Variants in GRIK2 observed in about 807,000 individuals in gnomAD.
GRIK2 encodes the protein glutamate ionotropic receptor kainate type subunit 2.
Under a neutral mutation model 100.3 loss-of-function variants are expected in GRIK2, and 32 were observed. That is an observed-to-expected ratio of 0.32 (90% confidence interval 0.24 to 0.43). The LOEUF (loss-of-function observed/expected upper bound fraction) is 0.43. GRIK2 is among the 20% of genes least tolerant of loss of function. GRIK2 has a pLI of 1.00. For missense variants in GRIK2, 843 were observed against 1,114.9 expected, an observed-to-expected ratio of 0.76 and a Z score of 3.47; for synonymous variants, 417 against 389.4, an observed-to-expected ratio of 1.07 and a Z score of -0.83.
chr6:101,867,433 A>G (rs1025134525), intron 11 of GRIK2, among the ~76,000 whole-genome samples: 13 of 152,086 alleles, frequency 8.5e-5, no homozygotes, highest in Admixed American at 1.3e-4. Context: ...TGTTGAAGAT[A>G]TAAACAAACT....
chr6:101,463,343 G>T (rs1323495435), intron 2 of GRIK2, among the ~76,000 whole-genome samples: 1 of 152,060 alleles, frequency 6.6e-6, no homozygotes, highest in African/African-American at 2.4e-5. Flanking sequence ...TGCAATGGTT[G>T]TTATTATTTC....
Position 101,846,728 on chromosome 6 carries a change from G to A in GRIK2, c.1318-12559G>A, listed in dbSNP as rs141226475. Reference sequence around the variant, plus strand: ...ATTCAGATTTTTATTTCTATTTGAGGAAGTTTTGATAGCAGTGTCTCTGTA... The same window carrying A: ...ATTCAGATTTTTATTTCTATTTGAGAAAGTTTTGATAGCAGTGTCTCTGTA... On this transcript the variant is annotated intron_variant, in intron 10 of 16. Coordinates refer to ENST00000369134, the MANE Select transcript of GRIK2 (RefSeq NM_021956.5). Among the ~76,000 whole-genome samples the A allele has an allele frequency of 9.1e-3, 1,386 of 152,030 alleles. 17 individuals are homozygous for A. The highest frequency in any genetic ancestry group is 0.032 in the African/African-American group (1,315 of 41,504).
chr6:101,595,702 G>A (rs9404122), intron 2 of GRIK2, among the ~76,000 whole-genome samples: 2 of 90,232 alleles, frequency 2.2e-5, no homozygotes, highest in African/African-American at 4.7e-5. Context: ...ATATATATGT[G>A]TGTGTGTGTG....
intron 14 of GRIK2, among the ~76,000 whole-genome samples, chr6:101,936,636 G>A (rs1790636253): frequency 2.6e-5 from 4 of 151,974 alleles, no homozygotes; most frequent in African/African-American, 9.7e-5. Context: ...TTTGCATAAG[G>A]ACTACAGGAA....
intron 11 of GRIK2, among the ~76,000 whole-genome samples, chr6:101,866,999 T>A (rs942026031): frequency 6.6e-6 from 1 of 151,956 alleles, no homozygotes; most frequent in Admixed American, 6.6e-5. Flanking sequence ...TGGCTTGTGA[T>A]GTTTGTGATT....
chr6:101,429,268 A>G (rs1027351450), intron 2 of GRIK2, among the ~76,000 whole-genome samples: 3 of 152,192 alleles, frequency 2.0e-5, no homozygotes, highest in Non-Finnish European at 4.4e-5. Context: ...TTCAGAGGGG[A>G]ATCAAATTGC....
intron 1 of GRIK2, among the ~76,000 whole-genome samples, chr6:101,395,038 C>A (rs565413801): frequency 3.9e-5 from 6 of 152,132 alleles, no homozygotes; most frequent in Admixed American, 6.5e-5. Context: ...AATCAAAACT[C>A]TAAATGTCAT....
chr6:101,902,183 C>T (rs1340289), intron 12 of GRIK2, among the ~76,000 whole-genome samples: 11,646 of 151,778 alleles, frequency 0.077, 1,161 homozygotes, highest in African/African-American at 0.23. Context: ...GGAGGGTCAC[C>T]GAATACAGAT....
chr6:101,972,109 C>G (rs1793089441), intron 14 of GRIK2, among the ~76,000 whole-genome samples: 1 of 151,944 alleles, frequency 6.6e-6, no homozygotes, highest in Non-Finnish European at 1.5e-5. Flanking sequence ...TGGACATATA[C>G]CCAATAATGG....
chr6:101,706,218 G>T lies in GRIK2; in HGVS notation c.951+19865G>T, dbSNP rs144533680. Among the ~76,000 whole-genome samples, 39 of 151,914 alleles carry T rather than the reference G, an allele frequency of 2.6e-4. 1 individual carries two copies. The East Asian group carries it at 6.1e-3, about 24-fold the overall frequency. On this transcript the variant is annotated intron_variant, in intron 7 of 16. Coordinates refer to ENST00000369134, the MANE Select transcript of GRIK2 (RefSeq NM_021956.5). Reference sequence around the variant, plus strand: ...TTGTCTTTGTTCTACCAAATACATTGCTATATACATGATAGTTTAAAAAAA... The same window carrying T: ...TTGTCTTTGTTCTACCAAATACATTTCTATATACATGATAGTTTAAAAAAA...
At chr6:101,485,945 C>A in intron 2 of GRIK2, among the ~76,000 whole-genome samples, 1 of 148,118 alleles carries the variant, frequency 6.8e-6, no homozygotes, top group East Asian at 2.0e-4. Context: ...AACAGCTTTA[C>A]TTTTTTAAGG....
At chr6:101,664,755 AAG>A (rs1200541403) in intron 4 of GRIK2, among the ~76,000 whole-genome samples, 1 of 152,206 alleles carries the variant, frequency 6.6e-6, no homozygotes, top group African/African-American at 2.4e-5. Context: ...TCTAAAGAGA[AAG>A]AGGTTTAATG....
In GRIK2 at chr6:101,629,495, G is replaced by A. The variant is rs1436350077; in HGVS notation, c.541+2858G>A. On this transcript the variant is annotated intron_variant, in intron 4 of 16. Coordinates refer to ENST00000369134, the MANE Select transcript of GRIK2 (RefSeq NM_021956.5). ...TGTTGAGCTTCTAATCCCTATTGAG[G>A]GACATGTAATAACTCATATTTTTAA... is the stretch of plus-strand genomic sequence containing the variant. Among the ~76,000 whole-genome samples, 11 of 152,020 alleles carry A rather than the reference G, an allele frequency of 7.2e-5. No individual in the cohort carries two copies. The East Asian group carries it at 2.1e-3, about 29-fold the overall frequency.
intron 14 of GRIK2, among the ~76,000 whole-genome samples, chr6:101,931,958 C>T (rs1790315932): frequency 6.6e-6 from 1 of 152,046 alleles, no homozygotes; most frequent in African/African-American, 2.4e-5. Flanking sequence ...CATTATGCAA[C>T]ATGTTACCAA....
intron 2 of GRIK2, among the ~76,000 whole-genome samples, chr6:101,523,585 C>A (rs1372623197): frequency 6.6e-6 from 1 of 152,048 alleles, no homozygotes; most frequent in Non-Finnish European, 1.5e-5. Context: ...GAAGACCATT[C>A]CAAACTGATG....
intron 7 of GRIK2, among the ~76,000 whole-genome samples, chr6:101,698,417 C>A (rs1582982038): frequency 6.6e-6 from 1 of 152,046 alleles, no homozygotes; most frequent in Admixed American, 6.6e-5. Context: ...ATTAGGAATT[C>A]TCCTGCTTTA....
rs62419282 is a variant in GRIK2, at chr6:101,793,639, G to T, written c.952-6009G>T. 9.8e-3 allele frequency among the ~76,000 whole-genome samples: 1,487 copies of T among 152,286 alleles called. 14 individuals carry two copies. The highest frequency in any genetic ancestry group is 0.017 in the Middle Eastern group (5 of 294). ...CCTACTGGGGGGTGCCTCCCAGTTA[G>T]GCTGCTCGGGGGTCAGGGGTCAGGG... is the stretch of plus-strand genomic sequence containing the variant. On this transcript the variant is annotated intron_variant, in intron 7 of 16. Coordinates refer to ENST00000369134, the MANE Select transcript of GRIK2 (RefSeq NM_021956.5).
At chr6:101,785,385 A>G (rs1288570509) in intron 7 of GRIK2, among the ~76,000 whole-genome samples, 4 of 152,052 alleles carry the variant, frequency 2.6e-5, no homozygotes, top group Non-Finnish European at 2.9e-5. Flanking sequence ...GCCATAGAGT[A>G]TTTGCCTAGA....
intron 2 of GRIK2, among the ~76,000 whole-genome samples, chr6:101,416,601 C>T (rs959497130): frequency 6.6e-6 from 1 of 152,164 alleles, no homozygotes; most frequent in African/African-American, 2.4e-5. Context: ...AAAACCACTT[C>T]CACATAACAA....
Sources: gnomAD v4.1 joint callset for allele counts (sites outside exome capture counted in the v4.1 genomes callset) on GRCh38, gnomAD v4.1.1 for gene constraint, MANE v1.5 for transcripts, NCBI Gene and HGNC (gene_info 2026-07-23, HGNC 2026-07-21) for gene names.